Variants in ERBIN observed in about 807,000 individuals in gnomAD.
The protein encoded by ERBIN is densin-180-like protein.
In ERBIN, 60 loss-of-function variants were observed where a neutral mutation model predicts 158.4. The observed-to-expected ratio is 0.38, with a 90% CI of 0.31 to 0.47. The LOEUF is 0.47. Ranked by LOEUF, ERBIN falls within the 20% of genes least tolerant of loss-of-function variation. The pLI, the probability that ERBIN is intolerant of heterozygous loss-of-function variation, is 0.99. For synonymous variants in ERBIN, 594 were observed against 557.2 expected (o/e 1.07, Z -0.93); for missense variants, 1,610 against 1,648.0 (o/e 0.98, Z 0.40).
chr5:66,028,461 T>C, intron 14 of ERBIN, 118 bp downstream of exon 14: 2 of 544,278 alleles, frequency 3.7e-6, no homozygotes, highest in Non-Finnish European at 6.2e-6. Context: ...TGTAAACATA[T>C]CTTTTATATA....
intron 10 of ERBIN, chr5:66,025,172 C>T (rs113939690): frequency 6.4e-6 from 2 of 311,482 alleles, no homozygotes; most frequent in African/African-American, 2.2e-5. Flanking sequence ...TTTTCTGTGC[C>T]ATGACATTGT....
intron 5 of ERBIN, among the ~76,000 whole-genome samples, chr5:66,012,464 C>A (rs1422457207): frequency 6.6e-6 from 1 of 151,442 alleles, no homozygotes; most frequent in Non-Finnish European, 1.5e-5. Flanking sequence ...GTGGTACCTT[C>A]AAACTTTTGA....
At chr5:65,996,382 C>G (rs1428117418) in intron 4 of ERBIN, among the ~76,000 whole-genome samples, 1 of 151,742 alleles carries the variant, frequency 6.6e-6, no homozygotes, top group African/African-American at 2.4e-5. Context: ...TGTCCCAACA[C>G]CATTTATTGA....
At chr5:66,051,907 A>AAAAAAAAAAAAAAAAAAAAAG (rs1554065281) in intron 20 of ERBIN, among the ~76,000 whole-genome samples, 19 of 148,866 alleles carry the variant, frequency 1.3e-4, no homozygotes, top group African/African-American at 4.6e-4. Flanking sequence ...AAAAAAAAAA[A>AAAAAAAAAAAAAAAAAAAAAG]AGAGACAGAT....
At chr5:66,076,233 C>T in intron 23 of ERBIN, 83 bp from the exon 24 acceptor site, 1 of 997,464 alleles carries the variant, frequency 1.0e-6, no homozygotes, top group Admixed American at 2.1e-5. Flanking sequence ...TTGGACTTAA[C>T]CAATCAGTAT....
chr5:65,985,077 A>G (rs79554090), intron 1 of ERBIN, among the ~76,000 whole-genome samples: 1,695 of 152,324 alleles, frequency 0.011, 27 homozygotes, highest in African/African-American at 0.038. Context: ...TGTGTTGGAA[A>G]AAGGAATCAC....
chr5:66,000,921 C>T (rs901817230), intron 4 of ERBIN, among the ~76,000 whole-genome samples: 3 of 151,610 alleles, frequency 2.0e-5, no homozygotes, highest in Non-Finnish European at 4.4e-5. Context: ...TGTATTTAAC[C>T]CATTTTACCT....
intron 23 of ERBIN, 197 bp from the exon 24 acceptor site, chr5:66,076,119 G>A: frequency 1.8e-6 from 1 of 551,332 alleles, no homozygotes; most frequent in South Asian, 2.3e-5. Flanking sequence ...TATAATCCCA[G>A]CTCTGCCTTT....
At chr5:65,955,170 C>A (rs900890028) in intron 1 of ERBIN, among the ~76,000 whole-genome samples, 1 of 152,066 alleles carries the variant, frequency 6.6e-6, no homozygotes, top group Admixed American at 6.5e-5. Flanking sequence ...TTAAAAAATG[C>A]CAACCATTTT....
At chr5:66,075,326 C>A in intron 23 of ERBIN, 96 bp downstream of exon 23, 1 of 990,804 alleles carries the variant, frequency 1.0e-6, no homozygotes, top group Non-Finnish European at 1.5e-6. Flanking sequence ...AGAATATTAA[C>A]GTAGTTATTA....
chr5:66,077,966 A>C (rs1238080564), intron 25 of ERBIN, among the ~76,000 whole-genome samples: 1 of 152,224 alleles, frequency 6.6e-6, no homozygotes, highest in Non-Finnish European at 1.5e-5. Context: ...ATGAGAATCA[A>C]AGGATCTAAT....
chr5:66,056,698 CAG>C (rs941266861), intron 21 of ERBIN, among the ~76,000 whole-genome samples: 1 of 152,054 alleles, frequency 6.6e-6, no homozygotes, highest in African/African-American at 2.4e-5. Context: ...AGAAAAGAAA[CAG>C]GGCAAACTGT....
At chr5:66,013,517 GAACTT>G in intron 5 of ERBIN, 27 bp from the exon 6 acceptor site, 1 of 1,362,328 alleles carries the variant, frequency 7.3e-7, no homozygotes, top group Non-Finnish European at 1.0e-6. Flanking sequence ...TTTCTTACAT[GAACTT>G]AACTTAAATT....
In ERBIN at chr5:66,053,934, C is replaced by T. The variant is rs1406343840; in HGVS notation, c.2616C>T (p.Ser872=). ...TTGGATCTGTTGTGAAATCTCATAG[C>T]ATAACTAATATGGAGATTGGAGGGC... ...GPVGSVVKSH[S]ITNMEIGGLK... Residue 872 remains serine, a synonymous_variant, in exon 21 of 26, where the codon AGC becomes AGT. Coordinates refer to ENST00000284037, the MANE Select transcript of ERBIN (RefSeq NM_001253697.2). 6.2e-7 allele frequency: 1 copy of T among 1,614,020 alleles called. No individual in the cohort carries two copies. The highest frequency in any genetic ancestry group is 8.5e-7 in the Non-Finnish European group (1 of 1,180,000).
In ERBIN at chr5:66,080,104, A is replaced by C. The variant is rs1235641298; in HGVS notation, c.*1574A>C. ...TAAGAAATGCAATTTGGGAATTTTT[A>C]ATCTGTTATGCTTTGTTTATCAACC... On this transcript the variant is annotated 3_prime_UTR_variant, in exon 26 of 26. Coordinates refer to ENST00000284037, the MANE Select transcript of ERBIN (RefSeq NM_001253697.2). 6.6e-6 allele frequency: 1 copy of C among 152,288 alleles called. No homozygotes were observed. The highest frequency in any genetic ancestry group is 1.5e-5 in the Non-Finnish European group (1 of 67,970). 9.4% of individuals were successfully genotyped at this position (152,288 alleles called of 1,614,324 possible).
At chr5:66,005,842 C>T (rs944377051) in intron 4 of ERBIN, among the ~76,000 whole-genome samples, 16 of 151,994 alleles carry the variant, frequency 1.1e-4, no homozygotes, top group South Asian at 2.1e-4. Flanking sequence ...TTACAAGGGA[C>T]GTGAAGGACC....
chr5:65,967,118 A>G (rs2150975788), intron 1 of ERBIN, among the ~76,000 whole-genome samples: 1 of 152,260 alleles, frequency 6.6e-6, no homozygotes, highest in South Asian at 2.1e-4. Context: ...AGAAAAAGAA[A>G]AAATATTCTG....
At chr5:66,021,134 TAAC>T (rs1336608140) in intron 7 of ERBIN, among the ~76,000 whole-genome samples, 185 bp from the exon 8 acceptor site, 1 of 151,296 alleles carries the variant, frequency 6.6e-6, no homozygotes, top group Non-Finnish European at 1.5e-5. Context: ...AATAAGATAA[TAAC>T]TGATAATTAT....
At chr5:65,980,722 GA>G (rs1045273526) in intron 1 of ERBIN, among the ~76,000 whole-genome samples, 27 of 147,526 alleles carry the variant, frequency 1.8e-4, no homozygotes, top group Admixed American at 8.1e-4. Context: ...TTACTAGCGG[GA>G]AAAAAAAAAC....
Sources: allele counts gnomAD v4.1 joint callset (sites outside exome capture counted in the v4.1 genomes callset), GRCh38; gene constraint gnomAD v4.1.1; transcripts MANE v1.5; gene names NCBI Gene and HGNC (gene_info 2026-07-23, HGNC 2026-07-21).